The following DLGAP1 variants were observed in gnomAD, a reference collection of about 807,000 sequenced individuals.
DLGAP1 encodes the protein disks large-associated protein 1.
DLGAP1 carries 11 observed loss-of-function variants against 90.8 expected under a neutral mutation model. The ratio of observed to expected loss-of-function variants is 0.12; its 90% CI spans 0.08 to 0.20. The LOEUF (loss-of-function observed/expected upper bound fraction) is 0.20, where lower values mean the gene tolerates loss of function less well. DLGAP1 is among the 10% of genes least tolerant of loss of function. The probability of loss-of-function intolerance (pLI) is 1.00; values close to 1 mark genes in which losing one functional copy is unlikely to be tolerated. For missense variants in DLGAP1, 1,050 were observed against 1,333.8 expected, an observed-to-expected ratio of 0.79 and a Z score of 3.31; for synonymous variants, 558 against 540.7, an observed-to-expected ratio of 1.03 and a Z score of -0.44.
intron 1 of DLGAP1, among the ~76,000 whole-genome samples, chr18:4,256,217 T>C (rs1271634843): frequency 6.6e-6 from 1 of 152,168 alleles, no homozygotes; most frequent in Non-Finnish European, 1.5e-5. Context: ...AGATGCCATC[T>C]CTACAACAAA....
At chr18:3,936,285 C>T (rs1417902248) in intron 3 of DLGAP1, among the ~76,000 whole-genome samples, 1 of 152,222 alleles carries the variant, frequency 6.6e-6, no homozygotes, top group Non-Finnish European at 1.5e-5. Context: ...TGATCAAGGC[C>T]TTCATCACCT....
rs139853292 is a variant in DLGAP1, at chr18:3,516,526, C to T, written c.2480-7865G>A. Among the ~76,000 whole-genome samples the T allele has an allele frequency of 2.2e-4, 34 of 152,200 alleles. No homozygotes were observed. The South Asian group carries it at 6.0e-3, about 27-fold the overall frequency. On this transcript the variant is annotated intron_variant, in intron 10 of 12. Transcript: ENST00000315677. Reference sequence around the variant, plus strand: ...TGCAAGTCCAAATGACTCTTTGATCCGTAGGCTGTGGAATGGATGTCGTAT... The same window carrying T: ...TGCAAGTCCAAATGACTCTTTGATCTGTAGGCTGTGGAATGGATGTCGTAT...
chr18:4,190,904 T>C lies in DLGAP1; in HGVS notation c.-266-39617A>G, dbSNP rs537240741. On this transcript the variant is annotated intron_variant, in intron 1 of 12. Coordinates refer to ENST00000315677, the MANE Select transcript of DLGAP1 (RefSeq NM_004746.4). ...AATACAACTCAGTTACTCTTCAAGT[T>C]TGAAAAGTTATTTTCATTTTGAAAT... is the stretch of plus-strand genomic sequence containing the variant. Among the ~76,000 whole-genome samples, 6 of 152,264 alleles carry C rather than the reference T, an allele frequency of 3.9e-5. No individual in the cohort carries two copies. In the South Asian group the frequency reaches 8.3e-4, roughly 21 times the overall value.
At chr18:3,844,707 C>T (rs902845266) in intron 4 of DLGAP1, among the ~76,000 whole-genome samples, 6 of 152,140 alleles carry the variant, frequency 3.9e-5, no homozygotes, top group Non-Finnish European at 7.4e-5. Context: ...TAAAACTCAC[C>T]TAAACTGAAG....
intron 7 of DLGAP1, among the ~76,000 whole-genome samples, chr18:3,682,580 G>C (rs34049781): frequency 6.6e-6 from 1 of 152,088 alleles, no homozygotes; most frequent in African/African-American, 2.4e-5. Flanking sequence ...GAGTCAGAAG[G>C]CCTAGATTCA....
intron 2 of DLGAP1, among the ~76,000 whole-genome samples, chr18:4,105,978 A>G (rs111577424): frequency 0.021 from 2,946 of 138,640 alleles, 35 homozygotes; most frequent in Non-Finnish European, 0.033. Flanking sequence ...CTTGCAGTGA[A>G]CCGAGATCGC....
At chr18:3,546,534 A>G (rs1027514046) in intron 9 of DLGAP1, among the ~76,000 whole-genome samples, 3 of 152,190 alleles carry the variant, frequency 2.0e-5, no homozygotes, top group African/African-American at 7.2e-5. Flanking sequence ...AGGGTTCAAG[A>G]AAAAGTATGT....
In DLGAP1 at chr18:3,643,262, GGAAA is replaced by G. The variant is rs202023355; in HGVS notation, c.1592-61018_1592-61015del. Among the ~76,000 whole-genome samples the G allele has an allele frequency of 3.1e-3, 466 of 151,796 alleles. 9 individuals carry two copies. Among genetic ancestry groups the G allele is most frequent in the Admixed American group, 0.028 (431 of 15,188 alleles). The stretch of plus-strand genomic sequence containing the variant: ...AAAGAAAGAAAGAAGAAAGAAGAAA[GGAAA>G]GAAAGAAAGAGAGAAAGAAAAAGTA... On this transcript the variant is annotated intron_variant, in intron 7 of 12. Transcript: ENST00000315677.
chr18:4,400,302 T>C (rs1183004435), intron 1 of DLGAP1, among the ~76,000 whole-genome samples: 3 of 152,242 alleles, frequency 2.0e-5, no homozygotes, highest in Non-Finnish European at 4.4e-5. Context: ...GGGGACAAGG[T>C]GACCTGAATA....
chr18:3,849,880 G>T (rs963530257), intron 4 of DLGAP1, among the ~76,000 whole-genome samples: 1 of 152,080 alleles, frequency 6.6e-6, no homozygotes, highest in African/African-American at 2.4e-5. Context: ...GTGCTGAGAG[G>T]GTAATGACAG....
chr18:3,865,569 T>TAA (rs2070332748), intron 4 of DLGAP1, among the ~76,000 whole-genome samples: 1 of 152,234 alleles, frequency 6.6e-6, no homozygotes, highest in African/African-American at 2.4e-5. Flanking sequence ...TTTTAATTGT[T>TAA]ATTAAAAGAA....
At chr18:3,749,460 C>CCTT (rs371606800) in intron 5 of DLGAP1, among the ~76,000 whole-genome samples, 1 of 152,064 alleles carries the variant, frequency 6.6e-6, no homozygotes, top group African/African-American at 2.4e-5. Flanking sequence ...GCCAACATCT[C>CCTT]CTTCTATTTC....
At chr18:3,834,193 C>T (rs938715787) in intron 4 of DLGAP1, among the ~76,000 whole-genome samples, 12 of 150,422 alleles carry the variant, frequency 8.0e-5, no homozygotes, top group African/African-American at 2.2e-4. Context: ...GTAGTCCCAG[C>T]TACTCAGGAG....
intron 10 of DLGAP1, among the ~76,000 whole-genome samples, chr18:3,525,100 AAAAT>A (rs894350505): frequency 1.0e-4 from 14 of 139,388 alleles, no homozygotes; most frequent in African/African-American, 3.7e-4. Flanking sequence ...GAAAAAAAAA[AAAAT>A]CAACAACATT....
intron 10 of DLGAP1, among the ~76,000 whole-genome samples, chr18:3,521,843 C>T (rs534693702): frequency 6.6e-6 from 1 of 152,174 alleles, no homozygotes; most frequent in Non-Finnish European, 1.5e-5. Flanking sequence ...CTATATCAAC[C>T]AGAAAAACAA....
chr18:3,713,252 C>G (rs538823450), intron 7 of DLGAP1, among the ~76,000 whole-genome samples: 9 of 152,302 alleles, frequency 5.9e-5, no homozygotes, highest in Admixed American at 3.3e-4. Flanking sequence ...TGATTGGACT[C>G]CCAGTTGCCT....
At chr18:4,376,054 A>T (rs546397837) in intron 1 of DLGAP1, among the ~76,000 whole-genome samples, 1 of 152,304 alleles carries the variant, frequency 6.6e-6, no homozygotes, top group South Asian at 2.1e-4. Context: ...AAGGAGAAGA[A>T]CCTTTCAGAA....
At chr18:4,074,557 T>C (rs1382794506) in intron 2 of DLGAP1, among the ~76,000 whole-genome samples, 2 of 152,158 alleles carry the variant, frequency 1.3e-5, no homozygotes, top group Non-Finnish European at 1.5e-5. Context: ...ACAATGTTAA[T>C]ATAAAGAATT....
intron 7 of DLGAP1, among the ~76,000 whole-genome samples, chr18:3,628,560 G>C (rs373583187): frequency 1.3e-5 from 2 of 152,106 alleles, no homozygotes; most frequent in African/African-American, 4.8e-5. Flanking sequence ...ATGCCTCCGA[G>C]CCTGCAGTTC....
Sources: allele counts gnomAD v4.1 joint callset (sites outside exome capture counted in the v4.1 genomes callset), GRCh38; gene constraint gnomAD v4.1.1; transcripts MANE v1.5; gene names NCBI Gene and HGNC (gene_info 2026-07-23, HGNC 2026-07-21).